Variants in PHF19 observed in about 807,000 individuals in gnomAD.
The protein encoded by PHF19 is polycomb like 3.
In PHF19, 21 loss-of-function variants were observed where a neutral mutation model predicts 79.8. The ratio of observed to expected loss-of-function variants is 0.26; its 90% CI spans 0.19 to 0.38. The LOEUF is 0.38. PHF19 is among the 10% of genes least tolerant of loss of function. The pLI is 1.00. For missense variants in PHF19, 445 were observed against 744.2 expected, an observed-to-expected ratio of 0.60 and a Z score of 4.68; for synonymous variants, 273 against 296.3, an observed-to-expected ratio of 0.92 and a Z score of 0.81.
chr9:120,866,729 C>T lies in PHF19; in HGVS notation c.710+141G>A. The T allele has an allele frequency of 1.6e-6, 1 of 620,750 alleles. No homozygotes were observed. Among genetic ancestry groups the T allele is most frequent in the Non-Finnish European group, 3.0e-6 (1 of 335,192 alleles). 38.5% of individuals were successfully genotyped at this position (620,750 alleles called of 1,614,324 possible). ...CTAGGGGATCCCCTACCTTGAGCTG[C>T]CTCCAGTAAACAGGTAGGCATACAT... is the stretch of plus-strand genomic sequence containing the variant. On this transcript the variant is annotated intron_variant, in intron 7 of 14. Transcript: ENST00000373896. The surrounding 1 kb of genome is among the most constrained non-coding windows in gnomAD (Gnocchi z 5.2).
At chr9:120,877,465 C>T (rs888295856), upstream of PHF19, 9 of 608,424 alleles carry the variant, frequency 1.5e-5, no homozygotes, top group Non-Finnish European at 1.4e-5. Context: ...CGCGGGCGCG[C>T]ATCCTCCGCG....
chr9:120,858,889 C>T (rs895030629), intron 14 of PHF19, among the ~76,000 whole-genome samples: 2 of 151,894 alleles, frequency 1.3e-5, no homozygotes, highest in African/African-American at 4.8e-5. Context: ...CACAGACACA[C>T]AGGACAAGGC....
At chr9:120,896,696 G>A (rs898010649), upstream of PHF19, among the ~76,000 whole-genome samples, 32 of 151,962 alleles carry the variant, frequency 2.1e-4, no homozygotes, top group South Asian at 3.3e-3. Context: ...CTCGTGATCC[G>A]CCCGTCTCGG....
chr9:120,868,357 G>A (rs1047037683), intron 6 of PHF19: 4 of 152,064 alleles, frequency 2.6e-5, no homozygotes, highest in Non-Finnish European at 5.9e-5. Context: ...CATTTTTTTT[G>A]TTTACCAAAT....
upstream of PHF19, among the ~76,000 whole-genome samples, chr9:120,879,931 C>T (rs1025234253): frequency 3.3e-5 from 5 of 151,386 alleles, no homozygotes; most frequent in Admixed American, 2.0e-4. Context: ...ACGTGAGAGA[C>T]GCAAATGAAG....
At chr9:120,873,140 C>T (rs575789618) in intron 3 of PHF19, among the ~76,000 whole-genome samples, 1 of 152,234 alleles carries the variant, frequency 6.6e-6, no homozygotes, top group Non-Finnish European at 1.5e-5. Context: ...GTCTACCTGA[C>T]CCTAAAATCT....
chr9:120,898,678 A>G (rs2046419677), upstream of PHF19, among the ~76,000 whole-genome samples: 1 of 152,222 alleles, frequency 6.6e-6, no homozygotes, highest in East Asian at 1.9e-4. Flanking sequence ...TAAGGGTTTG[A>G]ACCTGGCATA....
chr9:120,877,857 A>G (rs1461034843), upstream of PHF19, among the ~76,000 whole-genome samples: 2 of 152,252 alleles, frequency 1.3e-5, no homozygotes, highest in Non-Finnish European at 2.9e-5. Flanking sequence ...TACTGTACAC[A>G]CCAGCCATAG....
At chr9:120,902,504 C>T in the PHF19 span, 10 of 5,876 alleles carry the variant, frequency 1.7e-3, no homozygotes, top group South Asian at 7.1e-3. Context: ...GTGGGCAGGG[C>T]GGGGGGTGGG....
rs770795821 is a variant in PHF19 at position 120,869,333 on chromosome 9, G to T, written c.466-3C>A. 9 of 1,610,700 alleles carry T rather than the reference G, an allele frequency of 5.6e-6. No individual in the cohort carries two copies. The highest frequency in any genetic ancestry group is 2.2e-5 in the South Asian group (2 of 90,640). ...CCCTTCTTCAGCGCGCCGCCTTTCT[G>T]GGGGGAGACGAGGGCCCCAGTCAAC... On this transcript the variant is annotated splice_region_variant and splice_polypyrimidine_tract_variant and intron_variant, in intron 5 of 14. Transcript: ENST00000373896. The surrounding 1 kb of genome is among the most constrained non-coding windows in gnomAD (Gnocchi z 5.8).
chr9:120,876,402 G>A lies in PHF19; in HGVS notation c.-16+689C>T, dbSNP rs529048753. On this transcript the variant is annotated intron_variant, in intron 1 of 14. Coordinates refer to ENST00000373896, the MANE Select transcript of PHF19 (RefSeq NM_015651.3). Reference sequence around the variant, plus strand: ...CGCTGCGCCTCTAGGAGCCGGCCGGGTCGCCGCACCCGCCTCCACCCTGGC... The same window carrying A: ...CGCTGCGCCTCTAGGAGCCGGCCGGATCGCCGCACCCGCCTCCACCCTGGC... 817 of 152,110 alleles carry A rather than the reference G, an allele frequency of 5.4e-3. 9 individuals carry two copies. Among genetic ancestry groups the A allele is most frequent in the Admixed American group, 8.2e-3 (126 of 15,300 alleles). 9.4% of individuals were successfully genotyped at this position (152,110 alleles called of 1,614,324 possible). A position where few individuals can be genotyped will look rare whatever the true frequency, so the allele number is the denominator to read the frequency against.
At chr9:120,902,655 CT>C in the PHF19 span, 12,460 of 152,224 alleles carry the variant, frequency 0.082, 1,184 homozygotes, top group African/African-American at 0.22. Flanking sequence ...GTACTCTTCC[CT>C]TTTCCCCATC....
chr9:120,895,481 A>G (rs1356376712), upstream of PHF19, among the ~76,000 whole-genome samples: 1 of 151,708 alleles, frequency 6.6e-6, no homozygotes, highest in Non-Finnish European at 1.5e-5. Flanking sequence ...AAAAAAAAAA[A>G]AGATAAAATA....
chr9:120,866,752 C>T lies in PHF19; in HGVS notation c.710+118G>A. ...TGCCTCCAGTAAACAGGTAGGCATA[C>T]ATTGTCACAGACCTCCTCTTGTCTG... On this transcript the variant is annotated intron_variant, in intron 7 of 14. Transcript: ENST00000373896. This position sits in a 1 kb window ranked among gnomAD's most constrained non-coding sequence, Gnocchi z 5.2. The T allele has an allele frequency of 1.5e-6, 1 of 674,054 alleles. No homozygotes were observed. Among genetic ancestry groups the T allele is most frequent in the South Asian group, 1.7e-5 (1 of 59,024 alleles). The allele number at this position is 674,054 out of a possible 1,614,324, so 41.8% of individuals were successfully genotyped here.
intron 6 of PHF19, 51 bp from the exon 7 acceptor site, chr9:120,867,016 T>C: frequency 9.1e-7 from 1 of 1,094,822 alleles, no homozygotes; most frequent in Non-Finnish European, 1.4e-6. Flanking sequence ...CCCAGTCAGG[T>C]ATGAGCTTCG....
Position 120,869,087 on chromosome 9 carries a change from G to GCCC in PHF19, c.614+94_614+95insGGG. ...GCCCGCCCTCAAGGTCCCCGCCTTG[G>GCCC]CTGACACGCCAGGCTCGCTCCCTAT... On this transcript the variant is annotated intron_variant, in intron 6 of 14. Coordinates refer to ENST00000373896, the MANE Select transcript of PHF19 (RefSeq NM_015651.3). This position sits in a 1 kb window ranked among gnomAD's most constrained non-coding sequence, Gnocchi z 5.8. 7.4e-7 allele frequency: 1 copy of GCCC among 1,343,890 alleles called. No individual in the cohort carries two copies. The highest frequency in any genetic ancestry group is 9.9e-7 in the Non-Finnish European group (1 of 1,009,286). The allele number at this position is 1,343,890 out of a possible 1,614,324, so 83.2% of individuals were successfully genotyped here.
At position 120,860,311 on chromosome 9, in the gene PHF19, T is replaced by G; in HGVS notation, c.1305-126A>C. The G allele has an allele frequency of 1.6e-6, 1 of 643,026 alleles. No individual in the cohort carries two copies. Among genetic ancestry groups the G allele is most frequent in the Non-Finnish European group, 2.9e-6 (1 of 348,906 alleles). The allele number at this position is 643,026 out of a possible 1,614,324, so 39.8% of individuals were successfully genotyped here. ...GAGGCCCGTCTTCCCACAGCTGAGC[T>G]TCCCACCACCACACCTGTCTGTTTC... On this transcript the variant is annotated intron_variant, in intron 13 of 14. Coordinates refer to ENST00000373896, the MANE Select transcript of PHF19 (RefSeq NM_015651.3). The surrounding 1 kb of genome is among the most constrained non-coding windows in gnomAD (Gnocchi z 4.1).
chr9:120,867,567 C>T (rs144985685), intron 6 of PHF19, among the ~76,000 whole-genome samples: 4 of 152,174 alleles, frequency 2.6e-5, no homozygotes, highest in Non-Finnish European at 4.4e-5. Flanking sequence ...CACTGCAGAC[C>T]TATTCAATCT....
chr9:120,897,696 C>T (rs1008865431), upstream of PHF19, among the ~76,000 whole-genome samples: 1 of 152,000 alleles, frequency 6.6e-6, no homozygotes, highest in Non-Finnish European at 1.5e-5. Flanking sequence ...ATTAAATTCT[C>T]AGCCGGGCAT....
Sources: allele counts gnomAD v4.1 joint callset (sites outside exome capture counted in the v4.1 genomes callset), GRCh38; gene constraint gnomAD v4.1.1; non-coding constraint Gnocchi (gnomAD v3.1); transcripts MANE v1.5; gene names NCBI Gene and HGNC (gene_info 2026-07-23, HGNC 2026-07-21).